INPP5A: variants seen among roughly 807,000 people sequenced by gnomAD.
INPP5A encodes 43 kDa inositol polyphosphate 5-phophatase.
A neutral mutation model predicts 65.2 loss-of-function variants in INPP5A; 14 were observed. The observed-to-expected ratio is 0.21, with a 90% CI of 0.14 to 0.34. The LOEUF is 0.34. INPP5A is among the 10% of genes least tolerant of loss of function. The pLI is 1.00. For missense variants in INPP5A, 431 were observed against 545.6 expected (o/e 0.79, Z 2.09); for synonymous variants, 207 against 208.3 (o/e 0.99, Z 0.05).
chr10:132,586,034 C>G (rs968938757), intron 1 of INPP5A, among the ~76,000 whole-genome samples: 2 of 152,222 alleles, frequency 1.3e-5, no homozygotes, highest in Admixed American at 1.3e-4. Flanking sequence ...TGAGACCTGG[C>G]CAGCGCTTCT....
chr10:132,683,176 C>T (rs1187289589), intron 4 of INPP5A, among the ~76,000 whole-genome samples: 7 of 139,882 alleles, frequency 5.0e-5, no homozygotes, highest in Non-Finnish European at 7.6e-5. Flanking sequence ...TATGTATGCA[C>T]GTTTAATCCA....
At chr10:132,691,961 G>A (rs1845274815) in intron 5 of INPP5A, among the ~76,000 whole-genome samples, 1 of 152,048 alleles carries the variant, frequency 6.6e-6, no homozygotes, top group African/African-American at 2.4e-5. Flanking sequence ...CCTGGCAGGC[G>A]TGCGGTCCCG....
intron 6 of INPP5A, among the ~76,000 whole-genome samples, chr10:132,702,152 C>T (rs915222718): frequency 1.9e-4 from 29 of 152,338 alleles, no homozygotes; most frequent in Non-Finnish European, 3.5e-4. Flanking sequence ...GACGAGCTTA[C>T]CTCAAAAGGA....
intron 1 of INPP5A, among the ~76,000 whole-genome samples, chr10:132,561,433 C>T (rs1024986234): frequency 1.3e-5 from 2 of 151,776 alleles, no homozygotes; most frequent in African/African-American, 2.4e-5. Flanking sequence ...CTGGTTGTCT[C>T]GGTACCATTT....
At chr10:132,540,455 A>C (rs2070893170) in intron 1 of INPP5A, among the ~76,000 whole-genome samples, 1 of 152,264 alleles carries the variant, frequency 6.6e-6, no homozygotes, top group African/African-American at 2.4e-5. Flanking sequence ...TTGTGATTTC[A>C]GGGCTGAGTG....
intron 11 of INPP5A, among the ~76,000 whole-genome samples, chr10:132,759,893 C>A (rs1846700844): frequency 6.6e-6 from 1 of 152,176 alleles, no homozygotes; most frequent in Admixed American, 6.5e-5. Flanking sequence ...ATGCGCAGTC[C>A]CGTGCTCACT....
chr10:132,566,179 A>C (rs899279673), intron 1 of INPP5A, among the ~76,000 whole-genome samples: 1 of 152,218 alleles, frequency 6.6e-6, no homozygotes, highest in African/African-American at 2.4e-5. Context: ...GTATGTATGC[A>C]AGGTATGCAT....
chr10:132,634,821 C>T (rs968700856), intron 2 of INPP5A, among the ~76,000 whole-genome samples: 9 of 152,342 alleles, frequency 5.9e-5, no homozygotes, highest in South Asian at 4.1e-4. Context: ...TCTCGGCCGG[C>T]AGCCCTGCCT....
chr10:132,681,654 A>G (rs1259697916), intron 4 of INPP5A, among the ~76,000 whole-genome samples: 2 of 151,814 alleles, frequency 1.3e-5, no homozygotes, highest in East Asian at 1.9e-4. Flanking sequence ...GAAATATAAC[A>G]GGGGGCAGCC....
intron 1 of INPP5A, among the ~76,000 whole-genome samples, chr10:132,564,242 C>T (rs1236669243): frequency 6.6e-6 from 1 of 152,094 alleles, no homozygotes; most frequent in Non-Finnish European, 1.5e-5. Flanking sequence ...TGATTGGTCC[C>T]TGGGGTGACA....
At chr10:132,556,284 C>T (rs1434610790) in intron 1 of INPP5A, among the ~76,000 whole-genome samples, 5 of 152,184 alleles carry the variant, frequency 3.3e-5, no homozygotes, top group Non-Finnish European at 5.9e-5. Flanking sequence ...AGTGAACACA[C>T]CAGAATGCAT....
intron 2 of INPP5A, among the ~76,000 whole-genome samples, chr10:132,624,515 T>TC (rs113440212): frequency 2.2e-5 from 3 of 135,360 alleles, no homozygotes; most frequent in East Asian, 2.8e-4. Context: ...TGTCTGCACT[T>TC]CCACCGGCGT....
intron 1 of INPP5A, among the ~76,000 whole-genome samples, chr10:132,589,840 G>C (rs377664888): frequency 6.6e-6 from 1 of 152,350 alleles, no homozygotes; most frequent in East Asian, 1.9e-4. Flanking sequence ...GGTGTTGTGG[G>C]GTTAGGGGGT....
At chr10:132,541,307 G>T (rs891610779) in intron 1 of INPP5A, among the ~76,000 whole-genome samples, 8 of 152,166 alleles carry the variant, frequency 5.3e-5, no homozygotes, top group Non-Finnish European at 1.0e-4. Context: ...AACGCTGCGT[G>T]CATCCACTTC....
At chr10:132,694,690 A>G (rs1845318602) in intron 5 of INPP5A, among the ~76,000 whole-genome samples, 1 of 152,324 alleles carries the variant, frequency 6.6e-6, no homozygotes, top group South Asian at 2.1e-4. Context: ...ACAGATTATT[A>G]ATATCAGAAA....
chr10:132,631,392 C>T (rs2072271251), intron 2 of INPP5A, among the ~76,000 whole-genome samples: 1 of 152,190 alleles, frequency 6.6e-6, no homozygotes, highest in South Asian at 2.1e-4. Flanking sequence ...AGAGCCCCCA[C>T]CCAGGGCAAG....
chr10:132,564,193 G>A (rs1012796861), intron 1 of INPP5A, among the ~76,000 whole-genome samples: 46 of 152,014 alleles, frequency 3.0e-4, no homozygotes, highest in Admixed American at 9.8e-4. Context: ...TGTGGCGTGC[G>A]CGTTGTGGGT....
chr10:132,566,695 C>A (rs1014370998), intron 1 of INPP5A, among the ~76,000 whole-genome samples: 19 of 152,102 alleles, frequency 1.2e-4, no homozygotes, highest in African/African-American at 4.6e-4. Flanking sequence ...AATGATTATT[C>A]TTAATAAAAT....
Position 132,782,209 on chromosome 10 carries a change from C to A in INPP5A, c.*180C>A. The A allele has an allele frequency of 1.2e-6, 1 of 826,944 alleles. No homozygotes were observed. The highest frequency in any genetic ancestry group is 1.9e-6 in the Non-Finnish European group (1 of 520,332). 51.2% of individuals were successfully genotyped at this position (826,944 alleles called of 1,614,324 possible). On this transcript the variant is annotated 3_prime_UTR_variant, in exon 16 of 16. Coordinates refer to ENST00000368594, the MANE Select transcript of INPP5A (RefSeq NM_005539.5). The surrounding 1 kb of genome is among the most constrained non-coding windows in gnomAD (Gnocchi z 4.4). ...CATTCCGGAGCAGCCTCACATACCT[C>A]ACTGTCTCGTCTGTCTATGTGACAT...
Sources: gnomAD v4.1 joint callset for allele counts (sites outside exome capture counted in the v4.1 genomes callset) on GRCh38, gnomAD v4.1.1 for gene constraint, Gnocchi (gnomAD v3.1) non-coding constraint, MANE v1.5 for transcripts, NCBI Gene and HGNC (gene_info 2026-07-23, HGNC 2026-07-21) for gene names.